Variants in C17orf107 observed in about 807,000 individuals in gnomAD.
The protein encoded by C17orf107 is chromosome 17 open reading frame 107.
Under a neutral mutation model 8.9 loss-of-function variants are expected in C17orf107, and 9 were observed. The ratio of observed to expected loss-of-function variants is 1.02; its 90% CI spans 0.61 to 1.77. C17orf107 has a LOEUF of 1.77. Among genes scored for constraint, C17orf107 ranks in the 40% most tolerant of loss-of-function variants. C17orf107 has a pLI of 0.00. For missense variants in C17orf107, 281 were observed against 249.0 expected (o/e 1.13, Z -0.86); for synonymous variants, 139 against 120.3 (o/e 1.16, Z -1.02).
rs2151097489 is a variant in C17orf107 at position 4,901,182 on chromosome 17, C to T, written c.*649C>T. On this transcript the variant is annotated 3_prime_UTR_variant, in exon 3 of 3. Coordinates refer to ENST00000381365, the MANE Select transcript of C17orf107 (RefSeq NM_001145536.2). Reference sequence around the variant, plus strand: ...CCCGGGCAGAAGTCGATGGCCCACTCGCCGTTCTCTGCGGGACGGGGGCAC... The same window carrying T: ...CCCGGGCAGAAGTCGATGGCCCACTTGCCGTTCTCTGCGGGACGGGGGCAC... The T allele has an allele frequency of 1.9e-6, 3 of 1,604,856 alleles. No homozygotes were observed. The highest frequency in any genetic ancestry group is 2.2e-5 in the South Asian group (2 of 91,044).
At position 4,901,745 on chromosome 17, in the gene C17orf107, G is replaced by A; in HGVS notation, c.*1212G>A. On this transcript the variant is annotated 3_prime_UTR_variant, in exon 3 of 3. Transcript: ENST00000381365. Reference sequence around the variant, plus strand: ...ATCCCAAGCCCACCCCTTCACCCAAGCCCAGCCCGCACGCCTCTGTTCCCA... The same window carrying A: ...ATCCCAAGCCCACCCCTTCACCCAAACCCAGCCCGCACGCCTCTGTTCCCA... The A allele has an allele frequency of 3.2e-6, 4 of 1,249,380 alleles. No individual in the cohort carries two copies. Among genetic ancestry groups the A allele is most frequent in the Non-Finnish European group, 4.6e-6 (4 of 869,740 alleles). 77.4% of individuals were successfully genotyped at this position (1,249,380 alleles called of 1,614,324 possible).
At chr17:4,904,998 T>C (rs182265797), downstream of C17orf107, among the ~76,000 whole-genome samples, 194 of 152,358 alleles carry the variant, frequency 1.3e-3, no homozygotes, top group Non-Finnish European at 1.6e-3. Context: ...CTGCTGCTTA[T>C]TCCAGAGCTT....
chr17:4,901,367 TAG>T lies in C17orf107; in HGVS notation c.*837_*838del. On this transcript the variant is annotated 3_prime_UTR_variant, in exon 3 of 3. Coordinates refer to ENST00000381365, the MANE Select transcript of C17orf107 (RefSeq NM_001145536.2). ...GGTATGGAAAGCCAGAAGGCAGGAC[TAG>T]AGTAACAATCGAGAATGATTTCAGG... 1.1e-6 allele frequency: 1 copy of T among 931,770 alleles called. No individual in the cohort carries two copies. The highest frequency in any genetic ancestry group is 1.7e-6 in the Non-Finnish European group (1 of 586,924). 57.7% of individuals were successfully genotyped at this position (931,770 alleles called of 1,614,324 possible).
Position 4,900,947 on chromosome 17 carries a change from G to A in C17orf107, c.*414G>A. On this transcript the variant is annotated 3_prime_UTR_variant, in exon 3 of 3. Coordinates refer to ENST00000381365, the MANE Select transcript of C17orf107 (RefSeq NM_001145536.2). The stretch of plus-strand genomic sequence containing the variant: ...AGTGAGAGCGGGCCCCGCCTCCCGG[G>A]AGCGAGCCCGGGTTTGGGGGTAGGT... 1.2e-6 allele frequency: 2 copies of A among 1,614,034 alleles called. No homozygotes were observed. Among genetic ancestry groups the A allele is most frequent in the Non-Finnish European group, 8.5e-7 (1 of 1,179,920 alleles).
downstream of C17orf107, among the ~76,000 whole-genome samples, chr17:4,904,242 A>G (rs568743433): frequency 1.3e-5 from 2 of 151,880 alleles, no homozygotes; most frequent in Admixed American, 1.3e-4. Context: ...TGTCACCCAG[A>G]CAGGAGTACA....
At position 4,901,880 on chromosome 17, in the gene C17orf107, TA is replaced by T; in HGVS notation, c.*1349del. The stretch of plus-strand genomic sequence containing the variant: ...GTGCTTCCCGGTTGGCCCCGCCCCA[TA>T]AGGCCCCCCCCCAACAATAATCGTC... On this transcript the variant is annotated 3_prime_UTR_variant, in exon 3 of 3. Coordinates refer to ENST00000381365, the MANE Select transcript of C17orf107 (RefSeq NM_001145536.2). The T allele has an allele frequency of 1.2e-6, 1 of 829,744 alleles. No individual in the cohort carries two copies. Among genetic ancestry groups the T allele is most frequent in the Non-Finnish European group, 2.0e-6 (1 of 506,694 alleles). The allele number at this position is 829,744 out of a possible 1,614,324, so 51.4% of individuals were successfully genotyped here. A position where few individuals can be genotyped will look rare whatever the true frequency, so the allele number is the denominator to read the frequency against.
downstream of C17orf107, among the ~76,000 whole-genome samples, chr17:4,904,966 T>C (rs953089921): frequency 1.3e-5 from 2 of 152,256 alleles, no homozygotes; most frequent in African/African-American, 4.8e-5. Context: ...GGCTGGTACA[T>C]GGACTAAGTC....
rs1021297889 is a variant in C17orf107 at position 4,900,903 on chromosome 17, G to A, written c.*370G>A. On this transcript the variant is annotated 3_prime_UTR_variant, in exon 3 of 3. Coordinates refer to ENST00000381365, the MANE Select transcript of C17orf107 (RefSeq NM_001145536.2). The stretch of plus-strand genomic sequence containing the variant: ...TGATGGAGACCGTGCATTTCTGGCC[G>A]CCGGCTGGAGGGAGAGCCAGTGAGA... 2.5e-6 allele frequency: 4 copies of A among 1,614,058 alleles called. No individual in the cohort carries two copies. Among genetic ancestry groups the A allele is most frequent in the African/African-American group, 1.3e-5 (1 of 74,950 alleles).
At position 4,901,902 on chromosome 17, in the gene C17orf107, T is replaced by G. The variant is rs549140256; in HGVS notation, c.*1369T>G. On this transcript the variant is annotated 3_prime_UTR_variant, in exon 3 of 3. Transcript: ENST00000381365. ...CCATAAGGCCCCCCCCCAACAATAATCGTCCGGGCCTCGGAGTAGCTCTTC... is the reference window on the plus strand; with the variant it reads ...CCATAAGGCCCCCCCCCAACAATAAGCGTCCGGGCCTCGGAGTAGCTCTTC... 4.2e-5 allele frequency: 32 copies of G among 761,164 alleles called. No homozygotes were observed. The highest frequency in any genetic ancestry group is 6.5e-5 in the Non-Finnish European group (30 of 464,584). The allele number at this position is 761,164 out of a possible 1,614,324, so 47.2% of individuals were successfully genotyped here. A position where few individuals can be genotyped will look rare whatever the true frequency, so the allele number is the denominator to read the frequency against.
At chr17:4,903,503 A>G (rs1023536301), downstream of C17orf107, among the ~76,000 whole-genome samples, 1 of 152,200 alleles carries the variant, frequency 6.6e-6, no homozygotes, top group East Asian at 1.9e-4. Context: ...TGTGGAACAC[A>G]CACTATCACC....
rs113559784 is a variant in C17orf107 at position 4,901,884 on chromosome 17, G to GC, written c.*1360dup. On this transcript the variant is annotated 3_prime_UTR_variant, in exon 3 of 3. Transcript: ENST00000381365. ...TTCCCGGTTGGCCCCGCCCCATAAG[G>GC]CCCCCCCCCAACAATAATCGTCCGG... 13,877 of 1,521,390 alleles carry GC rather than the reference G, an allele frequency of 9.1e-3. 246 individuals carry two copies. Among genetic ancestry groups the GC allele is most frequent in the East Asian group, 0.067 (2,848 of 42,434 alleles). The allele number at this position is 1,521,390 out of a possible 1,614,324, so 94.2% of individuals were successfully genotyped here.
At position 4,901,753 on chromosome 17, in the gene C17orf107, C is replaced by A. The variant is rs901617324; in HGVS notation, c.*1220C>A. The A allele has an allele frequency of 2.4e-6, 3 of 1,245,468 alleles. No individual in the cohort carries two copies. The highest frequency in any genetic ancestry group is 1.9e-5 in the Admixed American group (1 of 53,970). 77.2% of individuals were successfully genotyped at this position (1,245,468 alleles called of 1,614,324 possible). ...CCCACCCCTTCACCCAAGCCCAGCC[C>A]GCACGCCTCTGTTCCCATCTGTACC... On this transcript the variant is annotated 3_prime_UTR_variant, in exon 3 of 3. Coordinates refer to ENST00000381365, the MANE Select transcript of C17orf107 (RefSeq NM_001145536.2).
chr17:4,905,647 G>C (rs1970083669), downstream of C17orf107, among the ~76,000 whole-genome samples: 1 of 151,986 alleles, frequency 6.6e-6, no homozygotes, highest in Non-Finnish European at 1.5e-5. Flanking sequence ...GACCACCTGA[G>C]GTCAAGAGTT....
rs1207425953 is a variant in C17orf107, at chr17:4,900,004, G to A, written c.135G>A (p.Glu45=). The stretch of plus-strand genomic sequence containing the variant: ...TGGCCGCAGCCCATGAATATCTGGA[G>A]CAGAGGTTCAGAGAGCTGAAGTCCC... The part of the protein sequence containing the change: ...LSVAAAHEYL[E]QRFRELKSLE... Residue 45 remains glutamate, a synonymous_variant, in exon 2 of 3, where the codon GAG becomes GAA. Transcript: ENST00000381365. 5.8e-6 allele frequency: 9 copies of A among 1,551,570 alleles called. No homozygotes were observed. The Admixed American group carries it at 1.8e-4, about 30-fold the overall frequency.
chr17:4,900,533 G>C lies in C17orf107; in HGVS notation c.573G>C (p.Ter191TyrextTer11). The change falls in exon 3 of 3, where the codon TAG becomes TAC. Residue 191 changes from the stop codon to tyrosine (Y), a stop_lost. Transcript: ENST00000381365. ...TGAGCTCAGGACACGGGGTGAGTTA[G>C]GGGCCAGAGGCGGCGGGGCTAGGGA... ...EPVSSGHGVS* is the reference protein window; with the variant it reads ...EPVSSGHGVSY 1 of 1,550,706 alleles carries C rather than the reference G, an allele frequency of 6.4e-7. No individual in the cohort carries two copies. The highest frequency in any genetic ancestry group is 8.7e-7 in the Non-Finnish European group (1 of 1,146,960).
chr17:4,900,210 C>A (rs1039636061), intron 2 of C17orf107, 27 bp from the exon 3 acceptor site: 1 of 1,544,570 alleles, frequency 6.5e-7, no homozygotes, highest in African/African-American at 1.4e-5. Flanking sequence ...CTCTGCCTCC[C>A]CGCTAACCCC....
Position 4,900,613 on chromosome 17 carries a change from G to C in C17orf107, c.*80G>C. Reference sequence around the variant, plus strand: ...GCTACTCGGGAGACCTCCAGGTGACGTCCAGCAGCAGTGAGGAGGACGGCG... The same window carrying C: ...GCTACTCGGGAGACCTCCAGGTGACCTCCAGCAGCAGTGAGGAGGACGGCG... On this transcript the variant is annotated 3_prime_UTR_variant, in exon 3 of 3. Transcript: ENST00000381365. 6.6e-7 allele frequency: 1 copy of C among 1,524,290 alleles called. No homozygotes were observed. Among genetic ancestry groups the C allele is most frequent in the Non-Finnish European group, 8.9e-7 (1 of 1,126,678 alleles). The allele number at this position is 1,524,290 out of a possible 1,614,324, so 94.4% of individuals were successfully genotyped here.
Position 4,900,654 on chromosome 17 carries a change from C to T in C17orf107, c.*121C>T. The stretch of plus-strand genomic sequence containing the variant: ...GAGGACGGCGGACCAGGGACTCCAT[C>T]CCCGTACCAGCCCCACCCAGCGTCC... On this transcript the variant is annotated 3_prime_UTR_variant, in exon 3 of 3. Transcript: ENST00000381365. The T allele has an allele frequency of 6.9e-7, 1 of 1,443,892 alleles. No individual in the cohort carries two copies. The highest frequency in any genetic ancestry group is 9.4e-7 in the Non-Finnish European group (1 of 1,058,502). 89.4% of individuals were successfully genotyped at this position (1,443,892 alleles called of 1,614,324 possible).
In C17orf107 at chr17:4,902,635, T is replaced by C. The variant is rs762711228; in HGVS notation, c.*2102T>C. The C allele has an allele frequency of 6.2e-7, 1 of 1,614,052 alleles. No homozygotes were observed. The highest frequency in any genetic ancestry group is 1.7e-5 in the Admixed American group (1 of 60,004). On this transcript the variant is annotated 3_prime_UTR_variant, in exon 3 of 3. Transcript: ENST00000381365. This position sits in a 1 kb window ranked among gnomAD's most constrained non-coding sequence, Gnocchi z 4.0. ...GGGTAGCTTACCAGTGAGATGAGAT[T>C]CGTCAGGGTGACCTTGAGGCTGATG... is the stretch of plus-strand genomic sequence containing the variant.
Sources: gnomAD v4.1 joint callset for allele counts (sites outside exome capture counted in the v4.1 genomes callset) on GRCh38, gnomAD v4.1.1 for gene constraint, Gnocchi (gnomAD v3.1) non-coding constraint, MANE v1.5 for transcripts, NCBI Gene and HGNC (gene_info 2026-07-23, HGNC 2026-07-21) for gene names.